SYNCRIP: variants seen among roughly 807,000 people sequenced by gnomAD.
SYNCRIP encodes the protein heterogeneous nuclear ribonucleoprotein Q.
In SYNCRIP, 9 loss-of-function variants were observed where a neutral mutation model predicts 68.9. The ratio of observed to expected loss-of-function variants is 0.13; its 90% CI spans 0.08 to 0.23. The LOEUF is 0.23. Ranked by LOEUF, SYNCRIP falls within the 10% of genes least tolerant of loss-of-function variation. SYNCRIP has a pLI of 1.00. For synonymous variants in SYNCRIP, 258 were observed against 254.0 expected (o/e 1.02, Z -0.15); for missense variants, 414 against 770.6 (o/e 0.54, Z 5.48).
At chr6:85,619,026 G>C (rs768553082) in intron 9 of SYNCRIP, 87 bp from the exon 10 acceptor site, 195 of 1,386,894 alleles carry the variant, frequency 1.4e-4, no homozygotes, top group Non-Finnish European at 1.9e-4. Flanking sequence ...TATCATTAAT[G>C]TGGGAAGGAC....
intron 6 of SYNCRIP, among the ~76,000 whole-genome samples, chr6:85,627,190 A>G (rs558564501): frequency 4.7e-5 from 7 of 150,070 alleles, no homozygotes; most frequent in African/African-American, 1.7e-4. Context: ...ATCACTTGAA[A>G]CTGGGCGGCA....
Position 85,624,088 on chromosome 6 carries a change from C to G in SYNCRIP, c.691G>C (p.Gly231Arg). The G allele has an allele frequency of 1.2e-6, 2 of 1,613,640 alleles. No homozygotes were observed. The highest frequency in any genetic ancestry group is 1.7e-6 in the Non-Finnish European group (2 of 1,179,846). Reference protein sequence around the residue: ...KLYNNHEIRSGKHIGVCISVA... With the variant: ...KLYNNHEIRSRKHIGVCISVA... ...GAGATGCAGACACCAATATGTTTTC[C>G]AGAACGAATTTCATGATTATTATAC... Residue 231 changes from glycine to arginine, a missense_variant, in exon 7 of 11, where the codon GGA (glycine) becomes CGA (arginine). Around this residue, in one of 6 missense-constraint regions of SYNCRIP, gnomAD observed 110 missense variants for 269.3 expected, o/e 0.41. Transcript: ENST00000369622.
At position 85,619,454 on chromosome 6, in the gene SYNCRIP, A is replaced by T. The variant is rs369218222; in HGVS notation, c.1009-37T>A. ...AAAATACCCCCCTGTATTATTTCCA[A>T]AGAGTTCCATTTCTAAGATACCACC... On this transcript the variant is annotated intron_variant, in intron 8 of 10. Transcript: ENST00000369622. 27 of 1,585,258 alleles carry T rather than the reference A, an allele frequency of 1.7e-5. No individual in the cohort carries two copies. The African/African-American group carries it at 3.0e-4, about 18-fold the overall frequency.
chr6:85,643,642 G>T (rs1809474189), upstream of SYNCRIP: 1 of 123,862 alleles, frequency 8.1e-6, no homozygotes, highest in South Asian at 3.1e-4. Flanking sequence ...CCATGCGCAC[G>T]CCACCCCCAC....
intron 8 of SYNCRIP, 136 bp downstream of exon 8, chr6:85,622,346 G>C: frequency 1.2e-6 from 1 of 853,780 alleles, no homozygotes; most frequent in Admixed American, 2.5e-5. Context: ...TCCAGCCTGG[G>C]AAACATGGGA....
At chr6:85,612,686 G>T, downstream of SYNCRIP, 1 of 474,702 alleles carries the variant, frequency 2.1e-6, no homozygotes, top group East Asian at 3.5e-5. Flanking sequence ...TTGCACTGCA[G>T]AGAAAATTGT....
upstream of SYNCRIP, chr6:85,642,887 G>A (rs1341164583): frequency 2.0e-5 from 3 of 152,656 alleles, no homozygotes; most frequent in East Asian, 1.9e-4. Context: ...CGGCGCGAGT[G>A]GAGCTGTTGT....
intron 5 of SYNCRIP, 22 bp downstream of exon 5, chr6:85,637,221 T>A (rs1401581210): frequency 1.2e-6 from 2 of 1,609,746 alleles, no homozygotes; most frequent in South Asian, 2.2e-5. Context: ...CTACAAAAGG[T>A]ACAAGTTTTT....
chr6:85,618,750 T>C, intron 10 of SYNCRIP, 68 bp downstream of exon 10: 1 of 1,356,216 alleles, frequency 7.4e-7, no homozygotes, highest in Non-Finnish European at 1.0e-6. Context: ...GATCAACACC[T>C]GTTATTTTCC....
chr6:85,608,094 T>C (rs779339802), downstream of SYNCRIP: 2 of 152,088 alleles, frequency 1.3e-5, no homozygotes, highest in Non-Finnish European at 2.9e-5. Flanking sequence ...AACAGAATAT[T>C]TCCATCAAAA....
At chr6:85,639,869 TAAA>T (rs566432918) in intron 4 of SYNCRIP, among the ~76,000 whole-genome samples, 1 of 148,014 alleles carries the variant, frequency 6.8e-6, no homozygotes, top group African/African-American at 2.5e-5. Context: ...TTGAGACTCC[TAAA>T]AAAAAAAGCC....
chr6:85,625,871 G>A (rs1806975734), intron 6 of SYNCRIP, among the ~76,000 whole-genome samples: 1 of 152,174 alleles, frequency 6.6e-6, no homozygotes, highest in Non-Finnish European at 1.5e-5. Context: ...CTCAACAGGA[G>A]TGATTTTGCC....
chr6:85,615,673 G>A (rs570221084), intron 10 of SYNCRIP, among the ~76,000 whole-genome samples: 15 of 152,272 alleles, frequency 9.9e-5, no homozygotes, highest in South Asian at 6.2e-4. Flanking sequence ...GGCTGGGAGC[G>A]GTCATGCCTG....
chr6:85,632,921 T>G (rs931935099), intron 6 of SYNCRIP, among the ~76,000 whole-genome samples: 3 of 151,134 alleles, frequency 2.0e-5, no homozygotes, highest in Admixed American at 2.0e-4. Flanking sequence ...GGCAACAGAG[T>G]GACAACCTGT....
In SYNCRIP at chr6:85,618,870, C is replaced by T. The variant is rs759991379; in HGVS notation, c.1228G>A (p.Asp410Asn). ...GCTTTTCTTTCTTTCCTTTTCTGAT[C>T]TGGTGGCTTGGCAAAAACAATTTCA... ...NIEIVFAKPP[D>N]QKRKERKAQR... The change falls in exon 10 of 11, where the codon GAT becomes AAT. Residue 410 changes from aspartate (D) to asparagine (N), a missense_variant. Physicochemically the swap from Asp to Asn is conservative, Grantham distance 23. Around this residue, in one of 6 missense-constraint regions of SYNCRIP, gnomAD observed 51 missense variants for 151.1 expected, o/e 0.34. Transcript: ENST00000369622. 6.2e-7 allele frequency: 1 copy of T among 1,613,048 alleles called. No individual in the cohort carries two copies. The highest frequency in any genetic ancestry group is 1.7e-5 in the Admixed American group (1 of 60,004).
intron 6 of SYNCRIP, among the ~76,000 whole-genome samples, chr6:85,626,442 G>A (rs1259975845): frequency 2.6e-5 from 4 of 151,802 alleles, no homozygotes; most frequent in South Asian, 2.1e-4. Flanking sequence ...TGATTTTGGG[G>A]GTGACAGATT....
At chr6:85,642,614 T>C (rs918932280) in intron 1 of SYNCRIP, among the ~76,000 whole-genome samples, 183 bp downstream of exon 1, 8 of 152,064 alleles carry the variant, frequency 5.3e-5, no homozygotes, top group Admixed American at 3.9e-4. Context: ...CAGCAGCACA[T>C]GGAAAGGAGG....
At chr6:85,619,892 T>C (rs780329130) in intron 8 of SYNCRIP, among the ~76,000 whole-genome samples, 7 of 152,086 alleles carry the variant, frequency 4.6e-5, no homozygotes, top group African/African-American at 2.4e-5. Flanking sequence ...TTACCCAGAG[T>C]TGAAAACTTA....
chr6:85,616,701 T>C (rs1219146974), intron 10 of SYNCRIP, among the ~76,000 whole-genome samples: 1 of 152,156 alleles, frequency 6.6e-6, no homozygotes, highest in Non-Finnish European at 1.5e-5. Context: ...AACGTAAAAA[T>C]GTTATTCCGG....
Sources: gnomAD v4.1 joint callset for allele counts (sites outside exome capture counted in the v4.1 genomes callset) on GRCh38, gnomAD v4.1.1 for gene constraint, gnomAD v4.1.1 regional missense constraint, MANE v1.5 for transcripts, NCBI Gene and HGNC (gene_info 2026-07-23, HGNC 2026-07-21) for gene names.